Variants in PJA2 observed in about 807,000 individuals in gnomAD.
PJA2 encodes the protein praja ring finger ubiquitin ligase 2.
PJA2 carries 25 observed loss-of-function variants against 69.3 expected under a neutral mutation model. The observed-to-expected ratio is 0.36, with a 90% CI of 0.26 to 0.50. PJA2 has a LOEUF of 0.50. PJA2 is among the 20% of genes least tolerant of loss of function. The pLI is 0.96. For synonymous variants in PJA2, 308 were observed against 277.8 expected (o/e 1.11, Z -1.08); for missense variants, 809 against 830.2 (o/e 0.97, Z 0.31).
Position 109,383,440 on chromosome 5 carries a change from C to G in PJA2, c.-7G>C. The G allele has an allele frequency of 6.2e-7, 1 of 1,611,496 alleles. No individual in the cohort carries two copies. The highest frequency in any genetic ancestry group is 8.5e-7 in the Non-Finnish European group (1 of 1,178,222). On this transcript the variant is annotated 5_prime_UTR_variant, in exon 2 of 10. Transcript: ENST00000361189. ...TTTCAGTGTACTGTGACATATATGG[C>G]AGCGTCTGTGTGACCAGTTCAGTAG...
intron 4 of PJA2, among the ~76,000 whole-genome samples, chr5:109,375,281 G>A (rs762584596): frequency 7.2e-5 from 11 of 152,078 alleles, no homozygotes; most frequent in Non-Finnish European, 1.2e-4. Flanking sequence ...AGGCTGAGGC[G>A]GGTGGATCAC....
intron 9 of PJA2, among the ~76,000 whole-genome samples, chr5:109,341,030 T>C (rs1158065653): frequency 7.2e-6 from 1 of 139,076 alleles, no homozygotes; most frequent in South Asian, 2.4e-4. Flanking sequence ...CCTCCCAAAG[T>C]GCCAAGATTG....
At chr5:109,344,086 A>C in intron 9 of PJA2, 104 bp downstream of exon 9, 1 of 912,702 alleles carries the variant, frequency 1.1e-6, no homozygotes, top group Non-Finnish European at 1.5e-6. Context: ...GACAAGAGCG[A>C]AACTTTGTCT....
At chr5:109,396,020 A>G (rs1747400713) in intron 1 of PJA2, among the ~76,000 whole-genome samples, 1 of 151,980 alleles carries the variant, frequency 6.6e-6, no homozygotes, top group Non-Finnish European at 1.5e-5. Context: ...AAAAAGAAAA[A>G]AAAAGAAATG....
intron 1 of PJA2, among the ~76,000 whole-genome samples, chr5:109,395,403 C>CTG (rs1227208683): frequency 6.6e-6 from 1 of 151,864 alleles, no homozygotes; most frequent in East Asian, 1.9e-4. Context: ...GTGGCGTGTG[C>CTG]TGTAGTCCCA....
intron 7 of PJA2, among the ~76,000 whole-genome samples, chr5:109,345,378 G>A (rs1231791410): frequency 2.0e-5 from 3 of 150,578 alleles, no homozygotes; most frequent in African/African-American, 7.3e-5. Context: ...AAAGCAGGTC[G>A]TGGTAGTGTG....
intron 4 of PJA2, among the ~76,000 whole-genome samples, chr5:109,369,035 C>T (rs897359763): frequency 6.6e-6 from 1 of 152,094 alleles, no homozygotes; most frequent in African/African-American, 2.4e-5. Context: ...TTTCTTACAC[C>T]TGCTCCTGCC....
chr5:109,397,515 CTTTATT>C (rs1456217016), intron 1 of PJA2, among the ~76,000 whole-genome samples: 2 of 151,652 alleles, frequency 1.3e-5, no homozygotes, highest in African/African-American at 4.8e-5. Context: ...AAAGCAACAA[CTTTATT>C]TTTATTTTAT....
intron 7 of PJA2, among the ~76,000 whole-genome samples, chr5:109,353,477 A>G (rs1290394521): frequency 9.3e-6 from 1 of 107,324 alleles, no homozygotes; most frequent in African/African-American, 2.7e-5. Context: ...ATCTATAGAT[A>G]TCTAATATAT....
chr5:109,406,405 A>G (rs563759142), intron 1 of PJA2, among the ~76,000 whole-genome samples: 1 of 152,336 alleles, frequency 6.6e-6, no homozygotes, highest in African/African-American at 2.4e-5. Context: ...ACAAAGGAAG[A>G]CATACACTAG....
rs1762623160 is a variant in PJA2, at chr5:109,368,580, C to A, written c.1450G>T (p.Glu484Ter). Residue 484 changes from glutamate (E) to a stop codon, truncating the protein, a stop_gained, in exon 5 of 10, where the codon GAA becomes TAA. Coordinates refer to ENST00000361189, the MANE Select transcript of PJA2 (RefSeq NM_014819.5). LOFTEE classifies it high-confidence loss of function. The part of the protein sequence containing the change: ...DSSGPEEENQ[E>*]LSLQEGEQTS... ...ACATACCCTTCCTGAAGAGATAATT[C>A]TTGGTTTTCTTCTTCAGGGCCACTG... 1 of 1,613,278 alleles carries A rather than the reference C, an allele frequency of 6.2e-7. No homozygotes were observed. The highest frequency in any genetic ancestry group is 1.3e-5 in the African/African-American group (1 of 74,842).
chr5:109,378,407 G>A lies in PJA2; in HGVS notation c.1080C>T (p.Leu360=), dbSNP rs772678589. 4.3e-6 allele frequency: 7 copies of A among 1,614,094 alleles called. No homozygotes were observed. The Admixed American group carries it at 5.0e-5, about 12-fold the overall frequency. ...CATCATATTCTTCACATTTTATTAA[G>A]AGGTCATCTGAGCCACTTTCCTCAA... ...LEVEESGSDD[L]LIKCEEYDGE... is the part of the protein sequence containing the mutation. The change falls in exon 4 of 10, where the codon CTC becomes CTT. Residue 360 remains leucine, a synonymous_variant. Transcript: ENST00000361189.
chr5:109,352,567 C>A (rs1347640183), intron 7 of PJA2, among the ~76,000 whole-genome samples: 1 of 152,104 alleles, frequency 6.6e-6, no homozygotes, highest in African/African-American at 2.4e-5. Context: ...TGTATCCTAT[C>A]TCATGATGTT....
chr5:109,382,706 G>A (rs1747078946), intron 2 of PJA2, among the ~76,000 whole-genome samples: 1 of 152,126 alleles, frequency 6.6e-6, no homozygotes, highest in African/African-American at 2.4e-5. Flanking sequence ...AAATTAGCCA[G>A]ACGTGGTGGC....
At chr5:109,390,258 T>A (rs1747250814) in intron 1 of PJA2, among the ~76,000 whole-genome samples, 1 of 152,046 alleles carries the variant, frequency 6.6e-6, no homozygotes, top group Non-Finnish European at 1.5e-5. Flanking sequence ...TCTTACATAT[T>A]TGGAAGCTGT....
intron 1 of PJA2, 144 bp from the exon 2 acceptor site, chr5:109,383,664 T>C (rs1747098911): frequency 2.4e-6 from 1 of 410,000 alleles, no homozygotes; most frequent in Non-Finnish European, 4.4e-6. Flanking sequence ...CAAATGCCTG[T>C]GATCCGCCTT....
chr5:109,389,415 C>G lies in PJA2; in HGVS notation c.-87-5895G>C, dbSNP rs186937160. Reference sequence around the variant, plus strand: ...GATTATGACCTTTCATTCAAGTTGTCAAATGTATTATCAAGTTGTACATAA... The same window carrying G: ...GATTATGACCTTTCATTCAAGTTGTGAAATGTATTATCAAGTTGTACATAA... On this transcript the variant is annotated intron_variant, in intron 1 of 9. Coordinates refer to ENST00000361189, the MANE Select transcript of PJA2 (RefSeq NM_014819.5). 3.5e-3 allele frequency among the ~76,000 whole-genome samples: 527 copies of G among 152,156 alleles called. 3 individuals are homozygous for G. Among genetic ancestry groups the G allele is most frequent in the Non-Finnish European group, 5.6e-3 (383 of 67,942 alleles).
Position 109,362,830 on chromosome 5 carries a change from T to A in PJA2, c.1652+10A>T. 8 of 1,578,018 alleles carry A rather than the reference T, an allele frequency of 5.1e-6. No individual in the cohort carries two copies. The highest frequency in any genetic ancestry group is 6.9e-6 in the Non-Finnish European group (8 of 1,153,888). On this transcript the variant is annotated intron_variant, in intron 6 of 9. Transcript: ENST00000361189. ...CTAATTAAGCATCCTAATAAAATCG[T>A]GCTACATACCTCCAATCCACATCTA...
At position 109,336,822 on chromosome 5, in the gene PJA2, A is replaced by G. The variant is rs1761952943; in HGVS notation, c.*409T>C. On this transcript the variant is annotated 3_prime_UTR_variant, in exon 10 of 10. Coordinates refer to ENST00000361189, the MANE Select transcript of PJA2 (RefSeq NM_014819.5). ...TACTTTAGAATTTGTTTCATTTCCAATGAAACCAAATTTTACTACGGTTGT... is the reference window on the plus strand; with the variant it reads ...TACTTTAGAATTTGTTTCATTTCCAGTGAAACCAAATTTTACTACGGTTGT... The G allele has an allele frequency of 6.5e-6, 1 of 152,728 alleles. No individual in the cohort carries two copies. The highest frequency in any genetic ancestry group is 2.4e-5 in the African/African-American group (1 of 41,476). The allele number at this position is 152,728 out of a possible 1,614,324, so 9.5% of individuals were successfully genotyped here. A position where few individuals can be genotyped will look rare whatever the true frequency, so the allele number is the denominator to read the frequency against.
Sources: gnomAD v4.1 joint callset for allele counts (sites outside exome capture counted in the v4.1 genomes callset) on GRCh38, gnomAD v4.1.1 for gene constraint, MANE v1.5 for transcripts, NCBI Gene and HGNC (gene_info 2026-07-23, HGNC 2026-07-21) for gene names.